PLXNA2: variants seen among roughly 807,000 people sequenced by gnomAD.
PLXNA2 encodes the protein plexin A2, also known as plexin-A2.
PLXNA2 carries 91 observed loss-of-function variants against 193.5 expected under a neutral mutation model. The ratio of observed to expected loss-of-function variants is 0.47; its 90% CI spans 0.40 to 0.56. PLXNA2 has a LOEUF of 0.56. Ranked by LOEUF, PLXNA2 falls within the 20% of genes least tolerant of loss-of-function variation. The pLI is 0.00. For missense variants in PLXNA2, 1,995 were observed against 2,503.2 expected, an observed-to-expected ratio of 0.80 and a Z score of 4.33; for synonymous variants, 997 against 1,027.3, an observed-to-expected ratio of 0.97 and a Z score of 0.56.
intron 14 of PLXNA2, among the ~76,000 whole-genome samples, chr1:208,052,762 T>C (rs963400935): frequency 6.6e-6 from 1 of 152,058 alleles, no homozygotes; most frequent in Admixed American, 6.5e-5. Context: ...AATCTATCAA[T>C]TCGTTTACAA....
At chr1:208,231,674 C>A (rs540554523) in intron 1 of PLXNA2, among the ~76,000 whole-genome samples, 59 of 152,308 alleles carry the variant, frequency 3.9e-4, no homozygotes, top group Non-Finnish European at 5.0e-4. Context: ...TGCATCATCC[C>A]GCTAACGTAC....
intron 3 of PLXNA2, among the ~76,000 whole-genome samples, chr1:208,159,328 TG>T (rs1440117437): frequency 1.3e-5 from 2 of 152,242 alleles, no homozygotes; most frequent in Non-Finnish European, 2.9e-5. Context: ...TTGATCTTCA[TG>T]ATCATCCTGT....
chr1:208,204,313 A>C (rs1003771990), intron 3 of PLXNA2, among the ~76,000 whole-genome samples: 1 of 152,170 alleles, frequency 6.6e-6, no homozygotes, highest in African/African-American at 2.4e-5. Context: ...ACAAGCCTGC[A>C]TCTGATCCAG....
intron 3 of PLXNA2, among the ~76,000 whole-genome samples, chr1:208,144,318 G>A (rs1456337415): frequency 6.6e-6 from 1 of 151,794 alleles, no homozygotes; most frequent in African/African-American, 2.4e-5. Flanking sequence ...ACTATTGATT[G>A]CAGAGCTAGG....
chr1:208,167,190 C>G (rs1669336739), intron 3 of PLXNA2, among the ~76,000 whole-genome samples: 2 of 152,132 alleles, frequency 1.3e-5, no homozygotes, highest in African/African-American at 4.8e-5. Flanking sequence ...AATGAGGACT[C>G]CCCTGACTAT....
intron 3 of PLXNA2, among the ~76,000 whole-genome samples, chr1:208,188,634 G>C (rs554516378): frequency 1.3e-5 from 2 of 151,698 alleles, no homozygotes; most frequent in South Asian, 4.2e-4. Flanking sequence ...GCTTGAACCT[G>C]GGAGGCGGAG....
At chr1:208,164,020 A>G (rs1571985829) in intron 3 of PLXNA2, among the ~76,000 whole-genome samples, 1 of 152,196 alleles carries the variant, frequency 6.6e-6, no homozygotes, top group African/African-American at 2.4e-5. Flanking sequence ...TCATGTGTTC[A>G]CCTGTCCACT....
At chr1:208,053,581 T>C (rs959909094) in intron 14 of PLXNA2, among the ~76,000 whole-genome samples, 1 of 152,238 alleles carries the variant, frequency 6.6e-6, no homozygotes, top group Non-Finnish European at 1.5e-5. Context: ...TAGAATTTTG[T>C]GCTCCAAAGA....
intron 14 of PLXNA2, among the ~76,000 whole-genome samples, chr1:208,054,104 G>A (rs1193066533): frequency 6.6e-6 from 1 of 152,198 alleles, no homozygotes; most frequent in East Asian, 1.9e-4. Context: ...TGGGACAAGA[G>A]GCAGTTCCTC....
In PLXNA2 at chr1:208,082,216, G is replaced by C. The variant is rs1666367636; in HGVS notation, c.2395+196C>G. ...CCGGCGGCCGCCCAGCGGATGCTCT[G>C]GTTGTAATAAAACAGGGCTCCCAAC... On this transcript the variant is annotated intron_variant, in intron 11 of 31. Coordinates refer to ENST00000367033, the MANE Select transcript of PLXNA2 (RefSeq NM_025179.4). This position sits in a 1 kb window ranked among gnomAD's most constrained non-coding sequence, Gnocchi z 4.2. Among the ~76,000 whole-genome samples the C allele has an allele frequency of 6.6e-6, 1 of 152,190 alleles. No individual in the cohort carries two copies. The highest frequency in any genetic ancestry group is 2.4e-5 in the African/African-American group (1 of 41,448).
rs201880117 is a variant in PLXNA2 at position 208,028,144 on chromosome 1, G to T, written c.5454C>A (p.Ile1818=). The change falls in exon 31 of 32, where the codon ATC becomes ATA. Residue 1818 remains isoleucine (I), a synonymous_variant. Coordinates refer to ENST00000367033, the MANE Select transcript of PLXNA2 (RefSeq NM_025179.4). This position sits in a 1 kb window ranked among gnomAD's most constrained non-coding sequence, Gnocchi z 4.2. ...GGTCACTGATGGCTGGGAGCTTGGC[G>T]ATGTCTGCGTAGTATCTGCCAGAGA... ...KSWVERYYAD[I]AKLPAISDQD... is the part of the protein sequence containing the mutation. The T allele has an allele frequency of 1.2e-6, 2 of 1,612,586 alleles. No homozygotes were observed. The highest frequency in any genetic ancestry group is 1.3e-5 in the African/African-American group (1 of 75,004).
chr1:208,057,709 G>A (rs539120618), intron 13 of PLXNA2, among the ~76,000 whole-genome samples: 3 of 152,264 alleles, frequency 2.0e-5, no homozygotes, highest in Admixed American at 2.0e-4. Context: ...CGCTGGAGAT[G>A]CCTAGATTCT....
chr1:208,040,167 G>T, intron 22 of PLXNA2, 109 bp from the exon 23 acceptor site: 2 of 862,654 alleles, frequency 2.3e-6, no homozygotes, highest in Non-Finnish European at 3.8e-6. Flanking sequence ...ATGGGAGAAC[G>T]CAGGGCGGGA....
chr1:208,216,596 C>T (rs1400952037), intron 2 of PLXNA2, 139 bp downstream of exon 2: 3 of 937,940 alleles, frequency 3.2e-6, no homozygotes, highest in Non-Finnish European at 4.7e-6. Flanking sequence ...TATTGGTTAC[C>T]ACCTGATAAC....
intron 2 of PLXNA2, 24 bp from the exon 3 acceptor site, chr1:208,210,486 G>T (rs778474393): frequency 1.9e-6 from 3 of 1,594,426 alleles, no homozygotes; most frequent in East Asian, 2.3e-5. Context: ...GAAGGAATTG[G>T]GGTGAGTAAC....
chr1:208,111,965 G>C (rs1022787424), intron 4 of PLXNA2, among the ~76,000 whole-genome samples: 1 of 152,196 alleles, frequency 6.6e-6, no homozygotes, highest in South Asian at 2.1e-4. Context: ...GCTGACCCCG[G>C]TGCTGTCTCC....
intron 11 of PLXNA2, among the ~76,000 whole-genome samples, chr1:208,080,035 T>G (rs1050339279): frequency 6.6e-6 from 1 of 152,052 alleles, no homozygotes; most frequent in Non-Finnish European, 1.5e-5. Context: ...CTTAGTAAAA[T>G]TAGTGACCCA....
chr1:208,087,276 A>G (rs566168939), intron 9 of PLXNA2, among the ~76,000 whole-genome samples: 17 of 152,282 alleles, frequency 1.1e-4, no homozygotes, highest in Admixed American at 3.3e-4. Flanking sequence ...ATACCTATAT[A>G]TAACACATAT....
chr1:208,054,697 A>G (rs1236330547), intron 13 of PLXNA2, among the ~76,000 whole-genome samples, 159 bp from the exon 14 acceptor site: 1 of 152,230 alleles, frequency 6.6e-6, no homozygotes, highest in Non-Finnish European at 1.5e-5. Flanking sequence ...CCTTGGGTAC[A>G]GTGCTTTCCC....
Sources: allele counts gnomAD v4.1 joint callset (sites outside exome capture counted in the v4.1 genomes callset), GRCh38; gene constraint gnomAD v4.1.1; non-coding constraint Gnocchi (gnomAD v3.1); transcripts MANE v1.5; gene names NCBI Gene and HGNC (gene_info 2026-07-23, HGNC 2026-07-21).